Variants in SMARCD2 observed in about 807,000 individuals in gnomAD.
SMARCD2 encodes the protein SWI/SNF-related matrix-associated actin-dependent regulator of chromatin subfamily D member 2.
SMARCD2 carries 39 observed loss-of-function variants against 70.4 expected under a neutral mutation model. That is an observed-to-expected ratio of 0.55 (90% CI 0.43 to 0.72). The LOEUF (loss-of-function observed/expected upper bound fraction) is 0.72. Among genes scored for constraint, SMARCD2 ranks in the 30% least tolerant of loss-of-function variants. The pLI is 0.00. For synonymous variants in SMARCD2, 249 were observed against 279.4 expected (o/e 0.89, Z 1.08); for missense variants, 540 against 713.4 (o/e 0.76, Z 2.77).
At chr17:63,835,087 T>C (rs368162511) in intron 5 of SMARCD2, 1 of 531,622 alleles carries the variant, frequency 1.9e-6, no homozygotes, top group Non-Finnish European at 3.3e-6. Context: ...CCCCCCTCCC[T>C]ATGGCAGGAC....
intron 1 of SMARCD2, among the ~76,000 whole-genome samples, chr17:63,842,229 G>A (rs1311628677): frequency 1.3e-5 from 2 of 152,076 alleles, no homozygotes; most frequent in Non-Finnish European, 2.9e-5. Flanking sequence ...CTGTGCCGCG[G>A]AAGCCCCCAG....
chr17:63,842,649 A>G lies in SMARCD2; in HGVS notation c.26T>C (p.Phe9Ser). 7.8e-7 allele frequency: 1 copy of G among 1,276,576 alleles called. No homozygotes were observed. The highest frequency in any genetic ancestry group is 9.9e-7 in the Non-Finnish European group (1 of 1,013,474). The allele number at this position is 1,276,576 out of a possible 1,614,324, so 79.1% of individuals were successfully genotyped here. Reference protein sequence around the residue: MSGRGAGGFPLPPLSPGGG... With the variant: MSGRGAGGSPLPPLSPGGG... ...GCCAGGGCTTAGCGGGGGCAGCGGGAACCCGCCCGCGCCTCGGCCCGACAT... is the reference window on the plus strand; with the variant it reads ...GCCAGGGCTTAGCGGGGGCAGCGGGGACCCGCCCGCGCCTCGGCCCGACAT... The change falls in exon 1 of 13, where the codon TTC (phenylalanine) becomes TCC (serine). Residue 9 changes from phenylalanine (F) to serine (S), a missense_variant. Phe to Ser is a radical substitution (Grantham distance 155). Coordinates refer to ENST00000448276, the MANE Select transcript of SMARCD2 (RefSeq NM_001098426.2).
At chr17:63,838,146 G>A (rs766946104) in intron 1 of SMARCD2, among the ~76,000 whole-genome samples, 3 of 152,084 alleles carry the variant, frequency 2.0e-5, no homozygotes, top group Admixed American at 2.0e-4. Context: ...CTCTGTGGCC[G>A]AGGGAGAAAG....
intron 4 of SMARCD2, 168 bp from the exon 5 acceptor site, chr17:63,835,735 T>C (rs2040257397): frequency 5.4e-6 from 1 of 186,490 alleles, no homozygotes; most frequent in Non-Finnish European, 1.0e-5. Flanking sequence ...AGTCCCAGCC[T>C]TTTTTTTTTT....
In SMARCD2 at chr17:63,834,914, T is replaced by A; in HGVS notation, c.724-114A>T. 1.4e-6 allele frequency: 1 copy of A among 740,250 alleles called. No homozygotes were observed. The highest frequency in any genetic ancestry group is 2.3e-6 in the Non-Finnish European group (1 of 431,468). 45.9% of individuals were successfully genotyped at this position (740,250 alleles called of 1,614,324 possible). A position where few individuals can be genotyped will look rare whatever the true frequency, so the allele number is the denominator to read the frequency against. ...GCCCTGGAGCTCCGGATACTGAAGA[T>A]TCCTGGGCCCTGAAGGATGGAAGCA... is the stretch of plus-strand genomic sequence containing the variant. On this transcript the variant is annotated intron_variant, in intron 5 of 12. Transcript: ENST00000448276. This position sits in a 1 kb window ranked among gnomAD's most constrained non-coding sequence, Gnocchi z 5.6.
rs1468809668 is a variant in SMARCD2, at chr17:63,837,371, A to C, written c.401+70T>G. The C allele has an allele frequency of 1.3e-6, 2 of 1,543,194 alleles. No individual in the cohort carries two copies. Among genetic ancestry groups the C allele is most frequent in the Non-Finnish European group, 1.8e-6 (2 of 1,119,786 alleles). On this transcript the variant is annotated intron_variant, in intron 2 of 12. Coordinates refer to ENST00000448276, the MANE Select transcript of SMARCD2 (RefSeq NM_001098426.2). The surrounding 1 kb of genome is among the most constrained non-coding windows in gnomAD (Gnocchi z 6.4). Reference sequence around the variant, plus strand: ...TCATCCTCAGTCACCAAAGCTCTTAAGATAGAAGGAAACCCTCTGCTACCA... The same window carrying C: ...TCATCCTCAGTCACCAAAGCTCTTACGATAGAAGGAAACCCTCTGCTACCA...
rs2040232821 is a variant in SMARCD2, at chr17:63,834,080, C to A, written c.1084-74G>T. 6.3e-7 allele frequency: 1 copy of A among 1,591,570 alleles called. No individual in the cohort carries two copies. The highest frequency in any genetic ancestry group is 8.6e-7 in the Non-Finnish European group (1 of 1,161,106). ...TGGACCATTCCAGGACCAGTGAGGG[C>A]AGCAGTCTGCAGGCTGTGGCCAAGG... On this transcript the variant is annotated intron_variant, in intron 8 of 12. Coordinates refer to ENST00000448276, the MANE Select transcript of SMARCD2 (RefSeq NM_001098426.2). This position sits in a 1 kb window ranked among gnomAD's most constrained non-coding sequence, Gnocchi z 5.6.
At position 63,834,197 on chromosome 17, in the gene SMARCD2, C is replaced by G; in HGVS notation, c.1053G>C (p.Glu351Asp). The change falls in exon 8 of 13, where the codon GAG (glutamate) becomes GAC (aspartate). Residue 351 changes from glutamate to aspartate, a missense_variant. Physicochemically the swap from Glu to Asp is conservative, Grantham distance 45. Coordinates refer to ENST00000448276, the MANE Select transcript of SMARCD2 (RefSeq NM_001098426.2). The surrounding 1 kb of genome is among the most constrained non-coding windows in gnomAD (Gnocchi z 5.6). ...GGAAGTAACGGTTGCAGTTGATGTA[C>G]TCCCGCTCGTGCCCATCCTGCAGCT... Reference protein sequence around the residue: ...HNQLQDGHEREYINCNRYFRQ... With the variant: ...HNQLQDGHERDYINCNRYFRQ... The G allele has an allele frequency of 1.9e-6, 3 of 1,607,894 alleles. No individual in the cohort carries two copies. The highest frequency in any genetic ancestry group is 2.5e-6 in the Non-Finnish European group (3 of 1,177,094).
chr17:63,833,455 A>G lies in SMARCD2; in HGVS notation c.1318-35T>C. On this transcript the variant is annotated intron_variant, in intron 10 of 12. Coordinates refer to ENST00000448276, the MANE Select transcript of SMARCD2 (RefSeq NM_001098426.2). The surrounding 1 kb of genome is among the most constrained non-coding windows in gnomAD (Gnocchi z 4.3). Reference sequence around the variant, plus strand: ...GTACCTGTGTCAGACTGTGCCCCCAAAGCTTACATGCAAGCAACTGAGCCA... The same window carrying G: ...GTACCTGTGTCAGACTGTGCCCCCAGAGCTTACATGCAAGCAACTGAGCCA... The G allele has an allele frequency of 1.2e-6, 2 of 1,612,512 alleles. No homozygotes were observed. The highest frequency in any genetic ancestry group is 1.7e-6 in the Non-Finnish European group (2 of 1,178,882).
Position 63,837,623 on chromosome 17 carries a change from T to A in SMARCD2, c.219A>T (p.Arg73=), listed in dbSNP as rs755055587. 3 of 1,612,388 alleles carry A rather than the reference T, an allele frequency of 1.9e-6. No homozygotes were observed. Among genetic ancestry groups the A allele is most frequent in the South Asian group, 2.2e-5 (2 of 90,944 alleles). ...GPAGPAAQYQ[R]PGMSPGNRMP... is the part of the protein sequence containing the mutation. The stretch of plus-strand genomic sequence containing the variant: ...TCCGGTTCCCTGGTGACATGCCAGG[T>A]CGCTGGGGGAAGTGAGCCAACGGGG... The change falls in exon 2 of 13, where the codon CGA becomes CGT. Residue 73 remains arginine, a splice_region_variant and synonymous_variant. Transcript: ENST00000448276. This position sits in a 1 kb window ranked among gnomAD's most constrained non-coding sequence, Gnocchi z 6.4.
chr17:63,839,351 C>G, intron 1 of SMARCD2: 1 of 419,082 alleles, frequency 2.4e-6, no homozygotes. Context: ...CACCACCCAT[C>G]CCTCCTGGGC....
Position 63,835,424 on chromosome 17 carries a change from T to C in SMARCD2, c.711A>G (p.Lys237=). The C allele has an allele frequency of 6.2e-7, 1 of 1,613,434 alleles. No homozygotes were observed. The highest frequency in any genetic ancestry group is 8.5e-7 in the Non-Finnish European group (1 of 1,179,536). ...VASWELRVEG[K]LLDDPSKQKR... The stretch of plus-strand genomic sequence containing the variant: ...CTCCCCAACTCACATCATCCAGCAG[T>C]TTTCCTTCCACTCGGAGTTCCCAGG... Residue 237 remains lysine, a synonymous_variant, in exon 5 of 13, where the codon AAA becomes AAG. Transcript: ENST00000448276.
intron 1 of SMARCD2, chr17:63,838,611 T>C (rs948386940): frequency 2.6e-5 from 39 of 1,495,464 alleles, no homozygotes; most frequent in Admixed American, 4.3e-5. Context: ...ATTTCCCACC[T>C]GAGGCCTTGC....
rs1007262091 is a variant in SMARCD2, at chr17:63,837,823, G to A, written c.217-198C>T. Among the ~76,000 whole-genome samples, 4 of 152,140 alleles carry A rather than the reference G, an allele frequency of 2.6e-5. No homozygotes were observed. The highest frequency in any genetic ancestry group is 1.9e-4 in the East Asian group (1 of 5,188). ...CACACCTGCCCTGCCCCCTGCAACCGCCCTGGCAGCCATGCCAGCGAATGA... is the reference window on the plus strand; with the variant it reads ...CACACCTGCCCTGCCCCCTGCAACCACCCTGGCAGCCATGCCAGCGAATGA... On this transcript the variant is annotated intron_variant, in intron 1 of 12. Coordinates refer to ENST00000448276, the MANE Select transcript of SMARCD2 (RefSeq NM_001098426.2). The surrounding 1 kb of genome is among the most constrained non-coding windows in gnomAD (Gnocchi z 6.4).
chr17:63,839,115 C>G (rs1482580108), intron 1 of SMARCD2: 2 of 985,298 alleles, frequency 2.0e-6, no homozygotes, highest in East Asian at 1.1e-4. Context: ...AGGCAAAAGA[C>G]AGCCTCTTTC....
In SMARCD2 at chr17:63,834,055, T is replaced by C; in HGVS notation, c.1084-49A>G. On this transcript the variant is annotated intron_variant, in intron 8 of 12. Coordinates refer to ENST00000448276, the MANE Select transcript of SMARCD2 (RefSeq NM_001098426.2). This position sits in a 1 kb window ranked among gnomAD's most constrained non-coding sequence, Gnocchi z 5.6. ...GCGTTGGCTTGTGGGCACAGTGGAG[T>C]GGACCATTCCAGGACCAGTGAGGGC... 6.3e-7 allele frequency: 1 copy of C among 1,595,854 alleles called. No individual in the cohort carries two copies. The highest frequency in any genetic ancestry group is 8.6e-7 in the Non-Finnish European group (1 of 1,164,012).
In SMARCD2 at chr17:63,834,180, C is replaced by A. The variant is rs147427461; in HGVS notation, c.1070G>T (p.Arg357Leu). The A allele has an allele frequency of 1.2e-6, 2 of 1,608,074 alleles. No individual in the cohort carries two copies. The highest frequency in any genetic ancestry group is 4.5e-5 in the East Asian group (2 of 44,720). Residue 357 changes from arginine to leucine, a missense_variant, in exon 8 of 13, where the codon CGT (arginine) becomes CTT (leucine). Physicochemically the swap from Arg to Leu is moderately radical, Grantham distance 102. Coordinates refer to ENST00000448276, the MANE Select transcript of SMARCD2 (RefSeq NM_001098426.2). The surrounding 1 kb of genome is among the most constrained non-coding windows in gnomAD (Gnocchi z 5.6). ...CATCTGGCTAACCTGGCGGAAGTAA[C>A]GGTTGCAGTTGATGTACTCCCGCTC... ...GHEREYINCN[R>L]YFRQIFSCGR...
rs763281771 is a variant in SMARCD2, at chr17:63,834,281, C to T, written c.969G>A (p.Val323=). The change falls in exon 8 of 13, where the codon GTG becomes GTA. Residue 323 remains valine, a synonymous_variant. Transcript: ENST00000448276. This position sits in a 1 kb window ranked among gnomAD's most constrained non-coding sequence, Gnocchi z 5.6. ...LDPRLARLLG[V]HTQTRAAIMQ... is the part of the protein sequence containing the mutation. Reference sequence around the variant, plus strand: ...TGATGGCGGCCCTCGTCTGCGTGTGCACTCCCAGCAGCCTTGCCAATCGGG... The same window carrying T: ...TGATGGCGGCCCTCGTCTGCGTGTGTACTCCCAGCAGCCTTGCCAATCGGG... 1.9e-6 allele frequency: 3 copies of T among 1,611,950 alleles called. No individual in the cohort carries two copies. The South Asian group carries it at 3.3e-5, about 18-fold the overall frequency.
At chr17:63,835,340 A>G (rs1261254707) in intron 5 of SMARCD2, 72 bp downstream of exon 5, 1 of 1,503,158 alleles carries the variant, frequency 6.7e-7, no homozygotes, top group East Asian at 2.3e-5. Flanking sequence ...TCAGGCTAGT[A>G]TCAAACTCCT....
Sources: gnomAD v4.1 joint callset for allele counts (sites outside exome capture counted in the v4.1 genomes callset) on GRCh38, gnomAD v4.1.1 for gene constraint, Gnocchi (gnomAD v3.1) non-coding constraint, MANE v1.5 for transcripts, NCBI Gene and HGNC (gene_info 2026-07-23, HGNC 2026-07-21) for gene names.